The following ADCK1 variants were observed in gnomAD, a reference collection of about 807,000 sequenced individuals.
The protein encoded by ADCK1 is aarF domain containing kinase 1.
Under a neutral mutation model 52.3 loss-of-function variants are expected in ADCK1, and 41 were observed. That is an observed-to-expected ratio of 0.78 (90% CI 0.61 to 1.02). The LOEUF is 1.02. Among genes scored for constraint, ADCK1 ranks in the 50% least tolerant of loss-of-function variants. ADCK1 has a pLI of 0.00. For missense variants in ADCK1, 658 were observed against 679.5 expected (o/e 0.97, Z 0.35); for synonymous variants, 250 against 274.6 (o/e 0.91, Z 0.89).
At chr14:77,907,637 G>C (rs1467370769) in intron 6 of ADCK1, among the ~76,000 whole-genome samples, 166 bp from the exon 7 acceptor site, 1 of 152,206 alleles carries the variant, frequency 6.6e-6, no homozygotes, top group South Asian at 2.1e-4. Context: ...CCTCCCTCTT[G>C]GCCTGGCTGT....
At position 77,800,453 on chromosome 14, in the gene ADCK1, T is replaced by G. The variant is rs569282499; in HGVS notation, c.-12+283T>G. ...GTGGGCTTTCATGTGACCTGTCCAC[T>G]TCAGTGGCACAGTCTTGCAGGCACC... On this transcript the variant is annotated intron_variant, in intron 1 of 10. Transcript: ENST00000238561. Among the ~76,000 whole-genome samples the G allele has an allele frequency of 3.9e-5, 6 of 152,352 alleles. 1 individual carries two copies. Among genetic ancestry groups the G allele is most frequent in the African/African-American group, 1.4e-4 (6 of 41,592 alleles).
chr14:77,852,907 A>ATAT (rs1555351700), intron 3 of ADCK1, among the ~76,000 whole-genome samples: 1 of 28,956 alleles, frequency 3.5e-5, no homozygotes, highest in Non-Finnish European at 5.5e-5. Context: ...ATATATATAT[A>ATAT]TTTTTTTTTT....
At chr14:77,859,375 C>A in intron 4 of ADCK1, 96 bp downstream of exon 4, 1 of 1,268,304 alleles carries the variant, frequency 7.9e-7, no homozygotes, top group Admixed American at 2.5e-5. Flanking sequence ...GCTGGGGATC[C>A]ACCAGTGACA....
intron 2 of ADCK1, among the ~76,000 whole-genome samples, chr14:77,819,756 A>G (rs970418593): frequency 6.6e-6 from 1 of 152,236 alleles, no homozygotes; most frequent in Non-Finnish European, 1.5e-5. Context: ...GAATTGTCCC[A>G]TTGGTGGGTA....
chr14:77,845,878 TTTGGGTTTGAAGTGCTC>T (rs1466442458), intron 3 of ADCK1, among the ~76,000 whole-genome samples: 2 of 152,188 alleles, frequency 1.3e-5, no homozygotes, highest in African/African-American at 4.8e-5. Flanking sequence ...TCTGGAATCA[TTTGGGTTTGAAGTGCTC>T]CTGGAATTTG....
chr14:77,933,598 C>T lies in ADCK1; in HGVS notation c.*207C>T, dbSNP rs959281681. ...CCACAAGCTGAACTGTGGCATAGCT[C>T]TCTCTTCTTCTCCAAGAAGACTCAG... is the stretch of plus-strand genomic sequence containing the variant. On this transcript the variant is annotated 3_prime_UTR_variant, in exon 11 of 11. Transcript: ENST00000238561. The T allele has an allele frequency of 3.6e-6, 2 of 562,894 alleles. No individual in the cohort carries two copies. The highest frequency in any genetic ancestry group is 3.1e-6 in the Non-Finnish European group (1 of 322,134). 34.9% of individuals were successfully genotyped at this position (562,894 alleles called of 1,614,324 possible).
intron 4 of ADCK1, among the ~76,000 whole-genome samples, chr14:77,871,562 T>G (rs2082779400): frequency 1.3e-5 from 2 of 152,170 alleles, no homozygotes; most frequent in Admixed American, 1.3e-4. Context: ...TTCTCCATGT[T>G]GGCCAGGCTG....
chr14:77,904,908 A>G (rs1386424027), intron 6 of ADCK1, among the ~76,000 whole-genome samples: 3 of 151,898 alleles, frequency 2.0e-5, no homozygotes, highest in African/African-American at 7.3e-5. Flanking sequence ...TCCTTCTTTG[A>G]TGGAAGAAGC....
intron 3 of ADCK1, among the ~76,000 whole-genome samples, chr14:77,848,717 C>A (rs1013288048): frequency 5.3e-5 from 8 of 152,168 alleles, no homozygotes; most frequent in African/African-American, 1.9e-4. Context: ...CCTCTCACCT[C>A]AGCCTCCAAA....
chr14:77,903,435 C>T (rs2083591542), intron 6 of ADCK1, among the ~76,000 whole-genome samples: 1 of 152,240 alleles, frequency 6.6e-6, no homozygotes, highest in African/African-American at 2.4e-5. Context: ...AGAACCTCAG[C>T]CCTGTGCTAT....
chr14:77,871,378 G>A (rs1329760893), intron 4 of ADCK1, among the ~76,000 whole-genome samples: 1 of 151,390 alleles, frequency 6.6e-6, no homozygotes, highest in East Asian at 1.9e-4. Flanking sequence ...TTTTTTTTGA[G>A]ACAGAGTCTC....
At chr14:77,920,360 C>T (rs1048912553) in intron 7 of ADCK1, among the ~76,000 whole-genome samples, 16 of 152,204 alleles carry the variant, frequency 1.1e-4, no homozygotes, top group East Asian at 7.7e-4. Context: ...AAGAGGGTGT[C>T]GTTTTCCACT....
chr14:77,801,713 G>A (rs1273882539), intron 1 of ADCK1, among the ~76,000 whole-genome samples: 1 of 152,144 alleles, frequency 6.6e-6, no homozygotes, highest in Non-Finnish European at 1.5e-5. Flanking sequence ...GCTGAGGTGG[G>A]CGAATCACTT....
chr14:77,857,495 C>T (rs1422408954), intron 3 of ADCK1, among the ~76,000 whole-genome samples: 1 of 152,054 alleles, frequency 6.6e-6, no homozygotes, highest in Admixed American at 6.5e-5. Flanking sequence ...TATGTTTGTA[C>T]CCTTTAATCC....
At chr14:77,829,295 A>AT (rs35370816) in intron 3 of ADCK1, among the ~76,000 whole-genome samples, 112,601 of 145,590 alleles carry the variant, frequency 0.77, 44,272 homozygotes, top group Middle Eastern at 0.89. Flanking sequence ...AAAAACTAAG[A>AT]TTTTTTTTTT....
In ADCK1 at chr14:77,899,297, T is replaced by A. The variant is rs751987445; in HGVS notation, c.741+39T>A. The A allele has an allele frequency of 3.7e-6, 6 of 1,611,192 alleles. No individual in the cohort carries two copies. In the Admixed American group the frequency reaches 1.0e-4, roughly 27 times the overall value. On this transcript the variant is annotated intron_variant, in intron 6 of 10. Transcript: ENST00000238561. ...TGCAATGCAGGGTATGGTGGTCTGG[T>A]GGAAGAGTGTAGCGGTATGTGGGTC...
At chr14:77,890,419 ACAT>A (rs967992800) in intron 5 of ADCK1, among the ~76,000 whole-genome samples, 36 of 152,358 alleles carry the variant, frequency 2.4e-4, no homozygotes, top group Middle Eastern at 3.4e-3. Context: ...GGCTGAAAGT[ACAT>A]CACAGTTTTA....
At chr14:77,928,160 G>A (rs2084240237) in intron 9 of ADCK1, among the ~76,000 whole-genome samples, 1 of 152,260 alleles carries the variant, frequency 6.6e-6, no homozygotes, top group African/African-American at 2.4e-5. Context: ...AAAGGGCAGG[G>A]CCAAGGCTGC....
chr14:77,812,191 G>T (rs2081350424), intron 1 of ADCK1, among the ~76,000 whole-genome samples: 1 of 152,110 alleles, frequency 6.6e-6, no homozygotes, highest in African/African-American at 2.4e-5. Context: ...CAATACAGTA[G>T]TATTAACTAG....
Sources: allele counts gnomAD v4.1 joint callset (sites outside exome capture counted in the v4.1 genomes callset), GRCh38; gene constraint gnomAD v4.1.1; transcripts MANE v1.5; gene names NCBI Gene and HGNC (gene_info 2026-07-23, HGNC 2026-07-21).